The following ZNF385D variants were observed in gnomAD, a reference collection of about 807,000 sequenced individuals.
The protein encoded by ZNF385D is zinc finger protein 385D, also known as zinc finger protein 659.
In ZNF385D, 15 loss-of-function variants were observed where a neutral mutation model predicts 35.8. That is an observed-to-expected ratio of 0.42 (90% CI 0.28 to 0.64). The LOEUF is 0.64. Ranked by LOEUF, ZNF385D falls within the 30% of genes least tolerant of loss-of-function variation. The pLI is 0.23. For synonymous variants in ZNF385D, 212 were observed against 186.8 expected, an observed-to-expected ratio of 1.13 and a Z score of -1.10; for missense variants, 474 against 494.6, an observed-to-expected ratio of 0.96 and a Z score of 0.39.
At chr3:21,858,256 G>A (rs1023082305) in intron 3 of ZNF385D, among the ~76,000 whole-genome samples, 1 of 151,864 alleles carries the variant, frequency 6.6e-6, no homozygotes, top group African/African-American at 2.4e-5. Flanking sequence ...ACTCAGAAGA[G>A]GCAATTCTGA....
intron 3 of ZNF385D, among the ~76,000 whole-genome samples, chr3:21,951,226 C>A (rs941826933): frequency 1.1e-4 from 16 of 151,702 alleles, no homozygotes; most frequent in African/African-American, 3.9e-4. Flanking sequence ...CTTCCTTGAG[C>A]AGTGGTTTGT....
intron 3 of ZNF385D, among the ~76,000 whole-genome samples, chr3:21,833,357 A>G (rs962781869): frequency 1.3e-5 from 2 of 152,186 alleles, no homozygotes; most frequent in African/African-American, 2.4e-5. Flanking sequence ...ATCTTAAGAG[A>G]AAAAGGTTAC....
In ZNF385D at chr3:22,272,630, A is replaced by G. The variant is rs201740178; in HGVS notation, c.106+99820T>C. On this transcript the variant is annotated intron_variant, in intron 2 of 5. Coordinates refer to the ZNF385D transcript ENST00000494108. ...CATTATGTAACACAGTGTTATCACC[A>G]TAGCCCTCTATTCATAAAACTTTAA... is the stretch of plus-strand genomic sequence containing the variant. 1.2e-4 allele frequency among the ~76,000 whole-genome samples: 18 copies of G among 152,142 alleles called. No homozygotes were observed. The East Asian group carries it at 3.5e-3, about 30-fold the overall frequency.
At chr3:21,981,472 G>C (rs188558113) in intron 3 of ZNF385D, among the ~76,000 whole-genome samples, 10 of 152,200 alleles carry the variant, frequency 6.6e-5, no homozygotes, top group Non-Finnish European at 8.8e-5. Flanking sequence ...TTACACCTTT[G>C]TCAGATGCAT....
At chr3:22,193,688 A>G (rs138778222) in intron 2 of ZNF385D, among the ~76,000 whole-genome samples, 464 of 152,102 alleles carry the variant, frequency 3.1e-3, no homozygotes, top group African/African-American at 0.011. Context: ...ATATTCTATT[A>G]TATATTGGGG....
At chr3:22,150,295 A>G (rs556468270) in intron 3 of ZNF385D, among the ~76,000 whole-genome samples, 1 of 152,256 alleles carries the variant, frequency 6.6e-6, no homozygotes, top group East Asian at 1.9e-4. Context: ...TAACTGCCAG[A>G]TGGCTCCTAG....
intron 3 of ZNF385D, among the ~76,000 whole-genome samples, chr3:21,806,648 T>C (rs2072663552): frequency 2.0e-5 from 3 of 152,232 alleles, no homozygotes; most frequent in Admixed American, 2.0e-4. Flanking sequence ...TGGGAGATTT[T>C]GTTGCCAGTA....
At chr3:21,543,815 C>T (rs915480031) in intron 3 of ZNF385D, among the ~76,000 whole-genome samples, 3 of 152,164 alleles carry the variant, frequency 2.0e-5, no homozygotes, top group Non-Finnish European at 4.4e-5. Flanking sequence ...ATATTTTCTG[C>T]AAAGTTTTGG....
In ZNF385D at chr3:21,636,410, A is replaced by ATG. The variant is rs1320574621; in HGVS notation, c.165+28475_165+28476insCA. Among the ~76,000 whole-genome samples, 12 of 44,808 alleles carry ATG rather than the reference A, an allele frequency of 2.7e-4. 1 individual carries two copies. Among genetic ancestry groups the ATG allele is most frequent in the African/African-American group, 1.2e-3 (12 of 10,316 alleles). 29.4% of individuals were successfully genotyped at this position (44,808 alleles called of 152,430 possible). A position where few individuals can be genotyped will look rare whatever the true frequency, so the allele number is the denominator to read the frequency against. On this transcript the variant is annotated intron_variant, in intron 2 of 7. Transcript: ENST00000281523. The stretch of plus-strand genomic sequence containing the variant: ...TATATATATATATATATATATATAT[A>ATG]TATAGAGTTTCTTAAGGAGTATTAA...
chr3:22,318,371 C>T (rs1293371000), intron 2 of ZNF385D, among the ~76,000 whole-genome samples: 1 of 152,172 alleles, frequency 6.6e-6, no homozygotes, highest in East Asian at 1.9e-4. Context: ...ATGAAGAGAG[C>T]AAACATCAGA....
At chr3:22,115,995 G>C (rs1037564278) in intron 3 of ZNF385D, among the ~76,000 whole-genome samples, 4 of 151,892 alleles carry the variant, frequency 2.6e-5, no homozygotes, top group Non-Finnish European at 5.9e-5. Context: ...TGACCTACTG[G>C]GGATAAACTT....
At chr3:22,073,137 A>G (rs1038244010) in intron 3 of ZNF385D, among the ~76,000 whole-genome samples, 2 of 152,070 alleles carry the variant, frequency 1.3e-5, no homozygotes, top group African/African-American at 4.8e-5. Context: ...AGGTGCCCTC[A>G]GAATTTACCT....
At chr3:21,676,324 G>C (rs568693774) in intron 1 of ZNF385D, among the ~76,000 whole-genome samples, 5 of 152,214 alleles carry the variant, frequency 3.3e-5, no homozygotes, top group African/African-American at 1.2e-4. Context: ...GAGCTGACTT[G>C]AGCTCTGTTT....
chr3:21,515,368 T>A (rs1707492313), intron 3 of ZNF385D, among the ~76,000 whole-genome samples: 1 of 152,216 alleles, frequency 6.6e-6, no homozygotes, highest in Non-Finnish European at 1.5e-5. Flanking sequence ...CTCAGACATT[T>A]ATTATAAGCA....
At chr3:21,513,376 G>A (rs1707350427) in intron 3 of ZNF385D, among the ~76,000 whole-genome samples, 1 of 152,088 alleles carries the variant, frequency 6.6e-6, no homozygotes, top group African/African-American at 2.4e-5. Flanking sequence ...GCTCCCAACA[G>A]AGACACTTAA....
chr3:22,032,661 C>A (rs1698073546), intron 3 of ZNF385D, among the ~76,000 whole-genome samples: 1 of 152,152 alleles, frequency 6.6e-6, no homozygotes, highest in Non-Finnish European at 1.5e-5. Context: ...AAACTACACA[C>A]TGACAAGTAC....
At chr3:21,789,653 T>C (rs1250185328) in intron 3 of ZNF385D, among the ~76,000 whole-genome samples, 3 of 152,148 alleles carry the variant, frequency 2.0e-5, no homozygotes, top group African/African-American at 4.8e-5. Flanking sequence ...CTGATTTACA[T>C]GGTCAGAAAA....
At chr3:22,162,628 C>A (rs753381596) in intron 3 of ZNF385D, among the ~76,000 whole-genome samples, 1 of 152,146 alleles carries the variant, frequency 6.6e-6, no homozygotes, top group African/African-American at 2.4e-5. Flanking sequence ...ACTCCACCCC[C>A]CTTGCACTAC....
chr3:22,066,018 A>G (rs529213107), intron 3 of ZNF385D, among the ~76,000 whole-genome samples: 2 of 152,296 alleles, frequency 1.3e-5, no homozygotes, highest in East Asian at 1.9e-4. Context: ...TTATCAAAAA[A>G]TAAGACCGTT....
Sources: allele counts gnomAD v4.1 joint callset (sites outside exome capture counted in the v4.1 genomes callset), GRCh38; gene constraint gnomAD v4.1.1; transcripts MANE v1.5; gene names NCBI Gene and HGNC (gene_info 2026-07-23, HGNC 2026-07-21).